LHFPL3: variants seen among roughly 807,000 people sequenced by gnomAD.
The protein encoded by LHFPL3 is LHFPL tetraspan subfamily member 3 protein.
A neutral mutation model predicts 19.3 loss-of-function variants in LHFPL3; 5 were observed. That is an observed-to-expected ratio of 0.26 (90% CI 0.14 to 0.54). The LOEUF (loss-of-function observed/expected upper bound fraction) is 0.54. Ranked by LOEUF, LHFPL3 falls within the 20% of genes least tolerant of loss-of-function variation. The probability of loss-of-function intolerance (pLI) is 0.94; values close to 1 mark genes in which losing one functional copy is unlikely to be tolerated. For missense variants in LHFPL3, 249 were observed against 307.4 expected (o/e 0.81, Z 1.42); for synonymous variants, 133 against 126.2 (o/e 1.05, Z -0.36).
chr7:104,780,646 A>G (rs1794702412), intron 2 of LHFPL3, among the ~76,000 whole-genome samples: 1 of 152,054 alleles, frequency 6.6e-6, no homozygotes, highest in African/African-American at 2.4e-5. Flanking sequence ...ACCCTTGCTC[A>G]CTTTCTAAAC....
chr7:104,494,737 G>A (rs767169902), intron 1 of LHFPL3, among the ~76,000 whole-genome samples: 86 of 152,116 alleles, frequency 5.7e-4, no homozygotes, highest in Non-Finnish European at 8.8e-4. Flanking sequence ...ACCCATACAA[G>A]AATTCCAAGG....
intron 1 of LHFPL3, among the ~76,000 whole-genome samples, chr7:104,623,384 C>G (rs1791485174): frequency 6.6e-6 from 1 of 152,102 alleles, no homozygotes; most frequent in African/African-American, 2.4e-5. Flanking sequence ...AATCCTGGCA[C>G]CTTAGAAGGC....
At chr7:104,777,540 C>T (rs778523962) in intron 2 of LHFPL3, among the ~76,000 whole-genome samples, 7 of 152,186 alleles carry the variant, frequency 4.6e-5, no homozygotes, top group Admixed American at 1.3e-4. Context: ...CTTTTGGTTG[C>T]TATGTCTGCA....
Position 104,581,685 on chromosome 7 carries a change from G to A in LHFPL3, c.446-154990G>A, listed in dbSNP as rs1481983475. On this transcript the variant is annotated intron_variant, in intron 1 of 2. Coordinates refer to ENST00000424859, the MANE Select transcript of LHFPL3 (RefSeq NM_199000.3). ...CAAATTAACTTTTTTATATGTTGAA[G>A]TTTACTTTTTCCATATAGATATCCT... Among the ~76,000 whole-genome samples, 3 of 151,898 alleles carry A rather than the reference G, an allele frequency of 2.0e-5. No homozygotes were observed. The East Asian group carries it at 5.8e-4, about 29-fold the overall frequency.
intron 1 of LHFPL3, among the ~76,000 whole-genome samples, chr7:104,600,229 AC>A (rs1443092299): frequency 6.6e-6 from 1 of 152,260 alleles, no homozygotes; most frequent in Non-Finnish European, 1.5e-5. Context: ...TATCATATTA[AC>A]AGTACTTCAC....
chr7:104,338,641 C>T (rs1443500429), intron 1 of LHFPL3, among the ~76,000 whole-genome samples: 1 of 152,108 alleles, frequency 6.6e-6, no homozygotes, highest in Non-Finnish European at 1.5e-5. Flanking sequence ...ATAAAATATA[C>T]TTAACCTAAG....
chr7:104,897,747 CCTTT>C (rs1260070244), intron 2 of LHFPL3, among the ~76,000 whole-genome samples: 6 of 152,082 alleles, frequency 3.9e-5, no homozygotes, highest in African/African-American at 1.2e-4. Context: ...AAAAGACAAT[CCTTT>C]CTATTGTAAA....
chr7:104,487,942 T>G (rs992567398), intron 1 of LHFPL3, among the ~76,000 whole-genome samples: 3 of 152,178 alleles, frequency 2.0e-5, no homozygotes, highest in Admixed American at 6.5e-5. Flanking sequence ...GGCTCTCTTT[T>G]TGTTGCCAAG....
chr7:104,452,140 A>G (rs139455950), intron 1 of LHFPL3, among the ~76,000 whole-genome samples: 1 of 152,318 alleles, frequency 6.6e-6, no homozygotes, highest in East Asian at 1.9e-4. Context: ...AACATTTGGT[A>G]TTCTTTCCTT....
At chr7:104,554,750 G>C (rs2115921114) in intron 1 of LHFPL3, among the ~76,000 whole-genome samples, 1 of 152,310 alleles carries the variant, frequency 6.6e-6, no homozygotes. Flanking sequence ...TATGAAGGCT[G>C]AGAAGTCCCA....
intron 1 of LHFPL3, among the ~76,000 whole-genome samples, chr7:104,406,141 C>G (rs1246443743): frequency 1.3e-5 from 2 of 152,150 alleles, no homozygotes; most frequent in Non-Finnish European, 2.9e-5. Flanking sequence ...TATTAATAAC[C>G]AGCCATTCCC....
At chr7:104,707,191 C>T (rs1300694086) in intron 1 of LHFPL3, among the ~76,000 whole-genome samples, 1 of 152,190 alleles carries the variant, frequency 6.6e-6, no homozygotes, top group Non-Finnish European at 1.5e-5. Flanking sequence ...CTCCATTAGG[C>T]TTAATTCACT....
intron 1 of LHFPL3, among the ~76,000 whole-genome samples, chr7:104,413,975 T>A (rs1054364573): frequency 6.6e-6 from 1 of 152,168 alleles, no homozygotes; most frequent in Non-Finnish European, 1.5e-5. Flanking sequence ...TATATAAGAA[T>A]CTCTTATTCA....
chr7:104,708,345 A>G (rs1793231038), intron 1 of LHFPL3, among the ~76,000 whole-genome samples: 1 of 152,204 alleles, frequency 6.6e-6, no homozygotes, highest in Non-Finnish European at 1.5e-5. Flanking sequence ...CAGTTCTGAC[A>G]TTTACTGTAC....
At chr7:104,737,774 C>T (rs1793856986) in intron 2 of LHFPL3, among the ~76,000 whole-genome samples, 1 of 152,138 alleles carries the variant, frequency 6.6e-6, no homozygotes. Context: ...TCACCTTTAG[C>T]TGAGTGGCTC....
intron 1 of LHFPL3, among the ~76,000 whole-genome samples, chr7:104,370,006 TATTA>T (rs1790579156): frequency 6.6e-6 from 1 of 152,236 alleles, no homozygotes. Flanking sequence ...ATATAAAGAA[TATTA>T]ATTGTGTTAA....
intron 1 of LHFPL3, among the ~76,000 whole-genome samples, chr7:104,527,034 A>G (rs1794202123): frequency 6.6e-6 from 1 of 152,224 alleles, no homozygotes; most frequent in South Asian, 2.1e-4. Flanking sequence ...AGGGAAGACC[A>G]TTCCAAGAAG....
intron 1 of LHFPL3, among the ~76,000 whole-genome samples, chr7:104,558,627 GT>G (rs1386644134): frequency 6.6e-6 from 1 of 150,842 alleles, no homozygotes; most frequent in Non-Finnish European, 1.5e-5. Flanking sequence ...CGTTTTGTAG[GT>G]TGCCTGTTCA....
chr7:104,403,406 CTA>C (rs1442261636), intron 1 of LHFPL3, among the ~76,000 whole-genome samples: 6 of 152,176 alleles, frequency 3.9e-5, no homozygotes, highest in Admixed American at 6.5e-5. Flanking sequence ...AGGACAAGGA[CTA>C]TGTCTTATTC....
Sources: gnomAD v4.1 joint callset for allele counts (sites outside exome capture counted in the v4.1 genomes callset) on GRCh38, gnomAD v4.1.1 for gene constraint, MANE v1.5 for transcripts, NCBI Gene and HGNC (gene_info 2026-07-23, HGNC 2026-07-21) for gene names.